Variants in HINT1 observed in about 807,000 individuals in gnomAD.
HINT1 encodes adenosine 5'-monophosphoramidase HINT1.
HINT1 carries 12 observed loss-of-function variants against 11.2 expected under a neutral mutation model. The ratio of observed to expected loss-of-function variants is 1.07; its 90% CI spans 0.69 to 1.74. The LOEUF (loss-of-function observed/expected upper bound fraction) is 1.74, where lower values mean the gene tolerates loss of function less well. Among genes scored for constraint, HINT1 ranks in the 40% most tolerant of loss-of-function variants. The pLI is 0.00. For missense variants in HINT1, 150 were observed against 161.8 expected (o/e 0.93, Z 0.40); for synonymous variants, 42 against 52.6 (o/e 0.80, Z 0.87).
At chr5:131,162,484 A>C in intron 2 of HINT1, 88 bp downstream of exon 2, 1 of 1,581,692 alleles carries the variant, frequency 6.3e-7, no homozygotes. Flanking sequence ...TGACCTTAGG[A>C]AGATGAAAAT....
chr5:131,161,383 C>T (rs1755242707), intron 2 of HINT1, among the ~76,000 whole-genome samples: 1 of 151,938 alleles, frequency 6.6e-6, no homozygotes, highest in Non-Finnish European at 1.5e-5. Flanking sequence ...GCGGGTGGAT[C>T]ACGTGAGGTT....
intron 1 of HINT1, 110 bp from the exon 2 acceptor site, chr5:131,162,786 G>A: frequency 5.9e-6 from 4 of 676,386 alleles, no homozygotes; most frequent in Non-Finnish European, 1.0e-5. Flanking sequence ...GGCACTAGAT[G>A]CTAAGAAAAC....
At position 131,160,890 on chromosome 5, in the gene HINT1, GGTTAAC is replaced by G. The variant is rs1195916144; in HGVS notation, c.217-1285_217-1280del. The G allele has an allele frequency of 6.6e-6, 3 of 453,908 alleles. No individual in the cohort carries two copies. In the Admixed American group the frequency reaches 7.1e-5, roughly 11 times the overall value. 28.1% of individuals were successfully genotyped at this position (453,908 alleles called of 1,614,324 possible). A position where few individuals can be genotyped will look rare whatever the true frequency, so the allele number is the denominator to read the frequency against. On this transcript the variant is annotated intron_variant, in intron 2 of 2. Transcript: ENST00000304043. Reference sequence around the variant, plus strand: ...TATTAGATGATTTTGCCCAACTGTAGGTTAACGTTAAGTGTTCCGAGCAAGCTTAAG... The same window carrying G: ...TATTAGATGATTTTGCCCAACTGTAGGTTAAGTGTTCCGAGCAAGCTTAAG...
At chr5:131,160,264 A>G (rs1386157716) in intron 2 of HINT1, among the ~76,000 whole-genome samples, 2 of 152,140 alleles carry the variant, frequency 1.3e-5, no homozygotes, top group Non-Finnish European at 2.9e-5. Context: ...TCCTTTGAAC[A>G]CTACCAGATC....
At position 131,159,306 on chromosome 5, in the gene HINT1, G is replaced by C; in HGVS notation, c.*141C>G. ...GAGAGACTATAAGCCATGCAACAATGTCTTTTATTATGTATGCGGTTTTAA... is the reference window on the plus strand; with the variant it reads ...GAGAGACTATAAGCCATGCAACAATCTCTTTTATTATGTATGCGGTTTTAA... On this transcript the variant is annotated 3_prime_UTR_variant, in exon 3 of 3. Transcript: ENST00000304043. 1 of 609,488 alleles carries C rather than the reference G, an allele frequency of 1.6e-6. No homozygotes were observed. Among genetic ancestry groups the C allele is most frequent in the Non-Finnish European group, 2.8e-6 (1 of 352,482 alleles). 37.8% of individuals were successfully genotyped at this position (609,488 alleles called of 1,614,324 possible).
intron 2 of HINT1, among the ~76,000 whole-genome samples, 192 bp from the exon 3 acceptor site, chr5:131,159,803 A>T (rs1755203884): frequency 6.6e-6 from 1 of 152,234 alleles, no homozygotes; most frequent in African/African-American, 2.4e-5. Context: ...TTAGGTATTT[A>T]TCATTACTAA....
intron 2 of HINT1, 146 bp downstream of exon 2, chr5:131,162,426 A>G: frequency 6.6e-7 from 1 of 1,524,810 alleles, no homozygotes; most frequent in Non-Finnish European, 8.8e-7. Context: ...TTTGGAAAAC[A>G]GCTGGGCAGT....
Position 131,159,498 on chromosome 5 carries a change from G to C in HINT1, c.330C>G (p.His110Gln), listed in dbSNP as rs139624223. 1 of 1,613,282 alleles carries C rather than the reference G, an allele frequency of 6.2e-7. No homozygotes were observed. Among genetic ancestry groups the C allele is most frequent in the Non-Finnish European group, 8.5e-7 (1 of 1,179,974 alleles). ...EGSDGGQSVY[H>Q]VHLHVLGGRQ... The stretch of plus-strand genomic sequence containing the variant: ...GACCTCCAAGAACATGGAGATGAAC[G>C]TGATAGACAGACTGTCCACCATCTG... Residue 110 changes from histidine to glutamine, a missense_variant, in exon 3 of 3, where the codon CAC (histidine) becomes CAG (glutamine). Transcript: ENST00000304043.
chr5:131,164,566 C>G (rs1175453846), intron 1 of HINT1, among the ~76,000 whole-genome samples: 1 of 152,220 alleles, frequency 6.6e-6, no homozygotes. Context: ...CAGGCCCAGA[C>G]GGCCCGCGCA....
chr5:131,163,721 A>G (rs891506196), intron 1 of HINT1, among the ~76,000 whole-genome samples: 1 of 152,304 alleles, frequency 6.6e-6, no homozygotes, highest in South Asian at 2.1e-4. Context: ...AAGAGTATAT[A>G]TATGATATTC....
intron 2 of HINT1, 152 bp from the exon 3 acceptor site, chr5:131,159,763 G>A: frequency 1.5e-6 from 1 of 646,562 alleles, no homozygotes; most frequent in Non-Finnish European, 2.7e-6. Context: ...TCCCAACAGA[G>A]CATAATCTAC....
At chr5:131,162,063 C>G (rs1208906304) in intron 2 of HINT1, 1 of 239,194 alleles carries the variant, frequency 4.2e-6, no homozygotes, top group Non-Finnish European at 8.1e-6. Context: ...CGGTGGCTCA[C>G]GCGTGTAATC....
chr5:131,163,873 A>G (rs530665606), intron 1 of HINT1, among the ~76,000 whole-genome samples: 1 of 152,284 alleles, frequency 6.6e-6, no homozygotes, highest in Non-Finnish European at 1.5e-5. Context: ...GAGTAATTCT[A>G]CTGGGTACTC....
At position 131,159,310 on chromosome 5, in the gene HINT1, T is replaced by C; in HGVS notation, c.*137A>G. ...GACTATAAGCCATGCAACAATGTCTTTTATTATGTATGCGGTTTTAAAATT... is the reference window on the plus strand; with the variant it reads ...GACTATAAGCCATGCAACAATGTCTCTTATTATGTATGCGGTTTTAAAATT... On this transcript the variant is annotated 3_prime_UTR_variant, in exon 3 of 3. Transcript: ENST00000304043. 1 of 640,126 alleles carries C rather than the reference T, an allele frequency of 1.6e-6. No homozygotes were observed. The highest frequency in any genetic ancestry group is 2.7e-6 in the Non-Finnish European group (1 of 376,212). 39.7% of individuals were successfully genotyped at this position (640,126 alleles called of 1,614,324 possible). A position where few individuals can be genotyped will look rare whatever the true frequency, so the allele number is the denominator to read the frequency against.
intron 1 of HINT1, among the ~76,000 whole-genome samples, chr5:131,164,116 A>C (rs901845576): frequency 1.3e-5 from 2 of 152,188 alleles, no homozygotes; most frequent in Non-Finnish European, 2.9e-5. Context: ...TCTAACCGAC[A>C]TTAGTAGAAT....
intron 2 of HINT1, chr5:131,162,295 G>C (rs555072598): frequency 7.6e-6 from 5 of 656,586 alleles, no homozygotes; most frequent in African/African-American, 1.8e-5. Flanking sequence ...CTGCAGCCTG[G>C]GCGACAGAGC....
chr5:131,164,959 C>A, intron 1 of HINT1, 136 bp downstream of exon 1: 1 of 1,292,350 alleles, frequency 7.7e-7, no homozygotes, highest in Non-Finnish European at 1.1e-6. Flanking sequence ...TGGCTGGGGG[C>A]CCGCTGGACC....
At chr5:131,163,673 C>T (rs1450658980) in intron 1 of HINT1, among the ~76,000 whole-genome samples, 1 of 151,860 alleles carries the variant, frequency 6.6e-6, no homozygotes, top group South Asian at 2.1e-4. Context: ...CTTTACTCAA[C>T]TATTTAAGAA....
At position 131,165,254 on chromosome 5, in the gene HINT1, G is replaced by C. The variant is rs373583078; in HGVS notation, c.-49C>G. Reference sequence around the variant, plus strand: ...GCCAGAGGAGAGGCTCGGAAGAAGGGAGGAACCCGCAGAGCGTGCGGCGCG... The same window carrying C: ...GCCAGAGGAGAGGCTCGGAAGAAGGCAGGAACCCGCAGAGCGTGCGGCGCG... On this transcript the variant is annotated 5_prime_UTR_variant, in exon 1 of 3. Transcript: ENST00000304043. The C allele has an allele frequency of 2.5e-6, 4 of 1,586,826 alleles. No homozygotes were observed. Among genetic ancestry groups the C allele is most frequent in the Non-Finnish European group, 1.7e-6 (2 of 1,171,902 alleles).
Sources: allele counts gnomAD v4.1 joint callset (sites outside exome capture counted in the v4.1 genomes callset), GRCh38; gene constraint gnomAD v4.1.1; transcripts MANE v1.5; gene names NCBI Gene and HGNC (gene_info 2026-07-23, HGNC 2026-07-21).